Variants in AMPD3 observed in about 807,000 individuals in gnomAD.
AMPD3 encodes AMP deaminase 3.
Under a neutral mutation model 82.3 loss-of-function variants are expected in AMPD3, and 57 were observed. That is an observed-to-expected ratio of 0.69 (90% CI 0.56 to 0.86). The LOEUF (loss-of-function observed/expected upper bound fraction) is 0.86. Ranked by LOEUF, AMPD3 falls within the 40% of genes least tolerant of loss-of-function variation. The pLI is 0.00. For missense variants in AMPD3, 870 were observed against 1,003.8 expected (o/e 0.87, Z 1.80); for synonymous variants, 381 against 394.7 (o/e 0.97, Z 0.41).
intron 2 of AMPD3, among the ~76,000 whole-genome samples, chr11:10,464,462 ATCCCC>A (rs1455945491): frequency 6.6e-6 from 1 of 152,224 alleles, no homozygotes; most frequent in Non-Finnish European, 1.5e-5. Context: ...CCATAAGGCT[ATCCCC>A]TCTTCAGGTA....
intron 2 of AMPD3, among the ~76,000 whole-genome samples, chr11:10,463,937 C>T (rs570091789): frequency 6.6e-6 from 1 of 152,312 alleles, no homozygotes; most frequent in Admixed American, 6.5e-5. Flanking sequence ...CTCCCCATTG[C>T]CACCATGGAC....
chr11:10,485,430 G>A (rs1849039986), intron 5 of AMPD3, among the ~76,000 whole-genome samples: 1 of 152,094 alleles, frequency 6.6e-6, no homozygotes, highest in Admixed American at 6.5e-5. Context: ...TTTTAGTAGA[G>A]ACAGGGGTTT....
chr11:10,477,047 A>G (rs1848761413), intron 2 of AMPD3: 1 of 985,374 alleles, frequency 1.0e-6, no homozygotes, highest in Non-Finnish European at 1.2e-6. Context: ...CCAGAGGGCC[A>G]TGGCAAGCAC....
intron 2 of AMPD3, among the ~76,000 whole-genome samples, chr11:10,476,516 G>A (rs1027300310): frequency 1.3e-5 from 2 of 151,148 alleles, no homozygotes; most frequent in East Asian, 2.0e-4. Context: ...TTTCTTAGCT[G>A]TTGCTCACCT....
At chr11:10,488,003 A>G (rs1367536004) in intron 6 of AMPD3, among the ~76,000 whole-genome samples, 1 of 151,786 alleles carries the variant, frequency 6.6e-6, no homozygotes, top group African/African-American at 2.4e-5. Context: ...TAAAATTTAA[A>G]TTCCCTGAAA....
chr11:10,458,648 T>C (rs1377624232), intron 1 of AMPD3, among the ~76,000 whole-genome samples: 12 of 152,210 alleles, frequency 7.9e-5, no homozygotes, highest in Non-Finnish European at 1.5e-5. Context: ...TTTTATGTGA[T>C]TGCACCATCC....
At chr11:10,486,554 C>A in intron 5 of AMPD3, 1 of 984,988 alleles carries the variant, frequency 1.0e-6, no homozygotes, top group South Asian at 4.7e-5. Context: ...GGCATCAGTC[C>A]TTACAGAGAT....
chr11:10,505,881 C>T lies in AMPD3; in HGVS notation c.2301C>T (p.Asn767=), dbSNP rs756654872. Residue 767 remains asparagine (N), a synonymous_variant, in exon 15 of 15, where the codon AAC becomes AAT. Coordinates refer to ENST00000396553, the MANE Select transcript of AMPD3 (RefSeq NM_001025389.2). ...CAGAAGAGATCACCGCCTTGACCAA[C>T]TAGGTCCAGCATTTGACATGCATTT... The part of the protein sequence containing the change: ...MKSEEITALT[N] 1.9e-6 allele frequency: 3 copies of T among 1,614,154 alleles called. No homozygotes were observed. The South Asian group carries it at 3.3e-5, about 18-fold the overall frequency.
chr11:10,479,204 A>G (rs1314923612), intron 3 of AMPD3, among the ~76,000 whole-genome samples: 1 of 152,214 alleles, frequency 6.6e-6, no homozygotes, highest in Non-Finnish European at 1.5e-5. Flanking sequence ...GGAAGAGAGA[A>G]TCTTGTTTAG....
At chr11:10,496,991 G>A in intron 10 of AMPD3, 53 bp downstream of exon 10, 1 of 1,601,666 alleles carries the variant, frequency 6.2e-7, no homozygotes, top group Admixed American at 1.7e-5. Context: ...GGCAGGAATG[G>A]ATTCGCTGTG....
At chr11:10,470,644 A>G (rs1848561462) in intron 2 of AMPD3, among the ~76,000 whole-genome samples, 1 of 152,218 alleles carries the variant, frequency 6.6e-6, no homozygotes, top group Non-Finnish European at 1.5e-5. Context: ...AATGTGCAAA[A>G]ATCACAAGCA....
intron 2 of AMPD3, among the ~76,000 whole-genome samples, chr11:10,470,533 T>C (rs1231819271): frequency 1.3e-5 from 2 of 152,232 alleles, no homozygotes; most frequent in Non-Finnish European, 2.9e-5. Flanking sequence ...TTGTCTCTGT[T>C]TGTGGATGAC....
chr11:10,497,768 G>C (rs915966742), intron 10 of AMPD3: 140 of 985,036 alleles, frequency 1.4e-4, no homozygotes, highest in Admixed American at 1.2e-3. Context: ...CTGGAGACAG[G>C]AGGGGAGCTT....
At chr11:10,487,408 C>T (rs1019965984) in intron 6 of AMPD3, 44 bp downstream of exon 6, 3 of 1,611,842 alleles carry the variant, frequency 1.9e-6, no homozygotes, top group Non-Finnish European at 2.5e-6. Context: ...CCCGGTCCCC[C>T]TCCCAGCCCA....
rs749861404 is a variant in AMPD3 at position 10,480,571 on chromosome 11, G to T, written c.427-1492G>T. ...GTATTTAGTAAAAGTATAAAAACAT[G>T]CATAGGAAAAATATATTCAGACTTC... is the stretch of plus-strand genomic sequence containing the variant. On this transcript the variant is annotated intron_variant, in intron 3 of 14. Coordinates refer to ENST00000396553, the MANE Select transcript of AMPD3 (RefSeq NM_001025389.2). Among the ~76,000 whole-genome samples the T allele has an allele frequency of 1.9e-4, 26 of 137,162 alleles. 1 individual carries two copies. Among genetic ancestry groups the T allele is most frequent in the Non-Finnish European group, 3.3e-4 (19 of 57,984 alleles). The allele number at this position is 137,162 out of a possible 152,430, so 90.0% of individuals were successfully genotyped here.
At chr11:10,453,757 T>G (rs1848017818), upstream of AMPD3, among the ~76,000 whole-genome samples, 1 of 151,858 alleles carries the variant, frequency 6.6e-6, no homozygotes, top group South Asian at 2.1e-4. Context: ...CCCAGCTAAT[T>G]TTTTGTGTTT....
At chr11:10,502,359 A>AG (rs968876748) in intron 12 of AMPD3, 3 of 985,288 alleles carry the variant, frequency 3.0e-6, no homozygotes, top group Non-Finnish European at 2.4e-6. Flanking sequence ...AAACAGCTAG[A>AG]GGGGGGCATC....
intron 3 of AMPD3, among the ~76,000 whole-genome samples, chr11:10,480,156 T>A (rs1227314140): frequency 6.6e-6 from 1 of 152,276 alleles, no homozygotes; most frequent in Non-Finnish European, 1.5e-5. Flanking sequence ...AGAGGCAGGC[T>A]GATCTTGCAG....
chr11:10,454,432 T>G (rs1020572910), upstream of AMPD3, among the ~76,000 whole-genome samples: 1 of 152,158 alleles, frequency 6.6e-6, no homozygotes, highest in Non-Finnish European at 1.5e-5. Flanking sequence ...TAATAGGTGT[T>G]TTTTTCCTAT....
Sources: allele counts gnomAD v4.1 joint callset (sites outside exome capture counted in the v4.1 genomes callset), GRCh38; gene constraint gnomAD v4.1.1; transcripts MANE v1.5; gene names NCBI Gene and HGNC (gene_info 2026-07-23, HGNC 2026-07-21).